Variants in ARHGAP24 observed in about 807,000 individuals in gnomAD.
ARHGAP24 encodes the protein rho GTPase-activating protein 24.
A neutral mutation model predicts 76.4 loss-of-function variants in ARHGAP24; 50 were observed. The ratio of observed to expected loss-of-function variants is 0.65; its 90% CI spans 0.52 to 0.83. The LOEUF is 0.83. ARHGAP24 is among the 40% of genes least tolerant of loss of function. The pLI is 0.00. For missense variants in ARHGAP24, 930 were observed against 914.2 expected, an observed-to-expected ratio of 1.02 and a Z score of -0.22; for synonymous variants, 345 against 323.3, an observed-to-expected ratio of 1.07 and a Z score of -0.72.
At chr4:85,995,686 C>A in intron 9 of ARHGAP24, 29 bp downstream of exon 9, 1 of 1,601,966 alleles carries the variant, frequency 6.2e-7, no homozygotes, top group Non-Finnish European at 8.5e-7. Flanking sequence ...TCGTAACTAC[C>A]AGAGAGGGCT....
chr4:85,879,650 C>G (rs756947349), intron 3 of ARHGAP24, among the ~76,000 whole-genome samples: 7 of 151,440 alleles, frequency 4.6e-5, no homozygotes, highest in Non-Finnish European at 1.0e-4. Context: ...TGGAGGATAC[C>G]TTTTAAACCC....
chr4:85,918,757 T>C (rs1364989931), intron 3 of ARHGAP24, among the ~76,000 whole-genome samples: 1 of 152,152 alleles, frequency 6.6e-6, no homozygotes, highest in Admixed American at 6.5e-5. Context: ...CTCAACAAAA[T>C]GTACAAATAC....
intron 1 of ARHGAP24, among the ~76,000 whole-genome samples, chr4:85,541,841 G>A (rs1331014223): frequency 6.6e-6 from 1 of 152,004 alleles, no homozygotes; most frequent in Non-Finnish European, 1.5e-5. Context: ...TGACGTTTGA[G>A]TTGGACCTCA....
chr4:85,941,673 A>G (rs1026069391), intron 4 of ARHGAP24, among the ~76,000 whole-genome samples: 2 of 152,212 alleles, frequency 1.3e-5, no homozygotes, highest in Admixed American at 6.5e-5. Context: ...ACTGTAATAA[A>G]GGTAGAATTT....
At chr4:85,492,252 C>T (rs1007227378) in intron 1 of ARHGAP24, among the ~76,000 whole-genome samples, 3 of 152,000 alleles carry the variant, frequency 2.0e-5, no homozygotes, top group Admixed American at 6.6e-5. Flanking sequence ...TTTATTGGCC[C>T]TCTTTCTTCT....
At chr4:85,723,764 A>G (rs556488796) in intron 3 of ARHGAP24, 1 of 152,316 alleles carries the variant, frequency 6.6e-6, no homozygotes, top group South Asian at 2.1e-4. Flanking sequence ...AAAGCACTAC[A>G]TTGAGAATCC....
chr4:85,606,167 T>G (rs1180841585), intron 2 of ARHGAP24, among the ~76,000 whole-genome samples: 1 of 152,160 alleles, frequency 6.6e-6, no homozygotes, highest in Non-Finnish European at 1.5e-5. Flanking sequence ...ATATCTTCAG[T>G]CTTTGGGGCA....
intron 2 of ARHGAP24, among the ~76,000 whole-genome samples, chr4:85,616,743 C>T (rs1427951324): frequency 6.6e-6 from 1 of 152,008 alleles, no homozygotes; most frequent in Admixed American, 6.6e-5. Context: ...TTCTTGTGCC[C>T]CAGCCTCCCA....
At chr4:85,618,012 G>T (rs1720596681) in intron 2 of ARHGAP24, among the ~76,000 whole-genome samples, 1 of 152,102 alleles carries the variant, frequency 6.6e-6, no homozygotes, top group Admixed American at 6.5e-5. Context: ...GAACATTTAA[G>T]ATCTCCTCTC....
chr4:85,661,552 A>G (rs542735673), intron 2 of ARHGAP24, among the ~76,000 whole-genome samples: 1 of 152,016 alleles, frequency 6.6e-6, no homozygotes, highest in Non-Finnish European at 1.5e-5. Flanking sequence ...GTTTTAGGGT[A>G]CATGTGCACA....
intron 3 of ARHGAP24, among the ~76,000 whole-genome samples, chr4:85,898,112 G>T (rs1734301247): frequency 6.7e-6 from 1 of 149,272 alleles, no homozygotes; most frequent in South Asian, 2.1e-4. Flanking sequence ...ACTTTGGAAG[G>T]TCACTAAATG....
At position 85,617,709 on chromosome 4, in the gene ARHGAP24, T is replaced by C. The variant is rs114742008; in HGVS notation, c.180+46988T>C. ...CAAAATTTTGTACATGTATAACATATCAGTAAGATAAATTCCTGAGAGTGG... is the reference window on the plus strand; with the variant it reads ...CAAAATTTTGTACATGTATAACATACCAGTAAGATAAATTCCTGAGAGTGG... On this transcript the variant is annotated intron_variant, in intron 2 of 9. Coordinates refer to ENST00000395184, the MANE Select transcript of ARHGAP24 (RefSeq NM_001025616.3). 2.7e-3 allele frequency among the ~76,000 whole-genome samples: 409 copies of C among 152,306 alleles called. 1 individual carries two copies. The highest frequency in any genetic ancestry group is 9.7e-3 in the African/African-American group (402 of 41,560).
At chr4:85,480,330 G>T (rs1722761629) in intron 1 of ARHGAP24, among the ~76,000 whole-genome samples, 1 of 151,700 alleles carries the variant, frequency 6.6e-6, no homozygotes. Context: ...GGTTTTTTTG[G>T]TTAGAAAAAA....
intron 3 of ARHGAP24, among the ~76,000 whole-genome samples, chr4:85,773,357 C>A (rs1342198923): frequency 6.6e-6 from 1 of 152,158 alleles, no homozygotes; most frequent in Non-Finnish European, 1.5e-5. Context: ...AACCAAATTC[C>A]TGAGCCTGGC....
chr4:85,845,890 A>AT (rs542795162), intron 3 of ARHGAP24, among the ~76,000 whole-genome samples: 2 of 151,792 alleles, frequency 1.3e-5, no homozygotes, highest in Non-Finnish European at 2.9e-5. Context: ...TAAGAATATA[A>AT]TTTTTTTTCT....
intron 1 of ARHGAP24, among the ~76,000 whole-genome samples, chr4:85,546,980 C>A (rs1458441816): frequency 6.6e-6 from 1 of 151,868 alleles, no homozygotes; most frequent in Non-Finnish European, 1.5e-5. Context: ...ATCCCTTTAC[C>A]CATAAATTCT....
intron 1 of ARHGAP24, among the ~76,000 whole-genome samples, chr4:85,499,964 G>C (rs2110098486): frequency 6.6e-6 from 1 of 152,122 alleles, no homozygotes; most frequent in East Asian, 1.9e-4. Flanking sequence ...TTTTTAAACT[G>C]TAAATTTTAT....
intron 2 of ARHGAP24, among the ~76,000 whole-genome samples, chr4:85,621,067 C>T (rs1446613202): frequency 6.6e-6 from 1 of 151,998 alleles, no homozygotes; most frequent in Non-Finnish European, 1.5e-5. Flanking sequence ...TCACTTAAGA[C>T]ATTGGTTTCT....
intron 3 of ARHGAP24, among the ~76,000 whole-genome samples, chr4:85,907,904 G>A (rs964400178): frequency 1.3e-5 from 2 of 152,128 alleles, no homozygotes; most frequent in Non-Finnish European, 2.9e-5. Flanking sequence ...CTGGAAAAAG[G>A]TGGCAATATA....
Sources: allele counts gnomAD v4.1 joint callset (sites outside exome capture counted in the v4.1 genomes callset), GRCh38; gene constraint gnomAD v4.1.1; transcripts MANE v1.5; gene names NCBI Gene and HGNC (gene_info 2026-07-23, HGNC 2026-07-21).